LIN37: variants seen among roughly 807,000 people sequenced by gnomAD.
The protein encoded by LIN37 is lin-37 DREAM MuvB core complex component, also known as protein lin-37 homolog.
Under a neutral mutation model 38.0 loss-of-function variants are expected in LIN37, and 21 were observed. The observed-to-expected ratio is 0.55, with a 90% CI of 0.39 to 0.80. The LOEUF (loss-of-function observed/expected upper bound fraction) is 0.80, where lower values mean the gene tolerates loss of function less well. LIN37 is among the 30% of genes least tolerant of loss of function. The pLI, the probability that LIN37 is intolerant of heterozygous loss-of-function variation, is 0.00. For missense variants in LIN37, 273 were observed against 338.5 expected, an observed-to-expected ratio of 0.81 and a Z score of 1.52; for synonymous variants, 126 against 122.9, an observed-to-expected ratio of 1.03 and a Z score of -0.17.
Position 35,753,118 on chromosome 19 carries a change from C to G in LIN37, c.309C>G (p.Ser103Arg). ...NTYVIKLFDRSVDLAQFSENT... is the reference protein window; with the variant it reads ...NTYVIKLFDRRVDLAQFSENT... ...ATGTGATCAAGCTGTTCGACCGGAG[C>G]GTGGACTTGGCCCAGTTCAGCGAGA... Residue 103 changes from serine to arginine, a missense_variant, in exon 6 of 9, where the codon AGC (serine) becomes AGG (arginine). By Grantham distance (110) the Ser-to-Arg change is moderately radical (BLOSUM62 -1). Transcript: ENST00000301159. 1 of 1,605,260 alleles carries G rather than the reference C, an allele frequency of 6.2e-7. No homozygotes were observed. The highest frequency in any genetic ancestry group is 8.5e-7 in the Non-Finnish European group (1 of 1,176,064).
chr19:35,748,814 G>A, intron 1 of LIN37, 56 bp downstream of exon 1: 1 of 1,612,940 alleles, frequency 6.2e-7, no homozygotes, highest in African/African-American at 1.3e-5. Flanking sequence ...AGGGTGTGGA[G>A]TCCCGGTGGA....
intron 1 of LIN37, among the ~76,000 whole-genome samples, chr19:35,750,340 C>T (rs1970665039): frequency 6.6e-6 from 1 of 152,164 alleles, no homozygotes; most frequent in Non-Finnish European, 1.5e-5. Flanking sequence ...TTGCTGCAAT[C>T]TCAGCTACTC....
At chr19:35,752,098 GC>G in intron 1 of LIN37, 77 bp from the exon 2 acceptor site, 1 of 1,114,002 alleles carries the variant, frequency 9.0e-7, no homozygotes. Context: ...GGACACGCAC[GC>G]CCTTCCCTGG....
chr19:35,754,375 T>G lies in LIN37; in HGVS notation c.660-18T>G, dbSNP rs1177847516. 1.2e-6 allele frequency: 2 copies of G among 1,613,664 alleles called. No homozygotes were observed. The highest frequency in any genetic ancestry group is 1.7e-6 in the Non-Finnish European group (2 of 1,179,690). On this transcript the variant is annotated intron_variant, in intron 8 of 8. Coordinates refer to ENST00000301159, the MANE Select transcript of LIN37 (RefSeq NM_019104.3). The stretch of plus-strand genomic sequence containing the variant: ...TAGGGCCCTTTGCAACTGCTGAGTC[T>G]CCCCTCTGCCTCCCCAGGTGGAAGG...
Position 35,753,182 on chromosome 19 carries a change from A to G in LIN37, c.373A>G (p.Asn125Asp). ...LYPICRAWMR[N>D]SPSVRERECS... ...CCCAATCTGCCGCGCCTGGATGCGC[A>G]ACAGCCCCTCTGTGCGCGAGCGTGA... The change falls in exon 6 of 9, where the codon AAC becomes GAC. Residue 125 changes from asparagine to aspartate, a missense_variant. By Grantham distance (23) the Asn-to-Asp change is conservative (BLOSUM62 1). Coordinates refer to ENST00000301159, the MANE Select transcript of LIN37 (RefSeq NM_019104.3). The G allele has an allele frequency of 6.3e-7, 1 of 1,581,982 alleles. No homozygotes were observed. Among genetic ancestry groups the G allele is most frequent in the Non-Finnish European group, 8.6e-7 (1 of 1,164,522 alleles).
At position 35,754,200 on chromosome 19, in the gene LIN37, T is replaced by A. The variant is rs756544576; in HGVS notation, c.585+43T>A. ...GCCCAGGGTTATGGGGCACATGCGG[T>A]AGGGCTCAGGAATGGCCACTCAACC... On this transcript the variant is annotated intron_variant, in intron 7 of 8. Transcript: ENST00000301159. The A allele has an allele frequency of 9.9e-6, 16 of 1,613,812 alleles. No homozygotes were observed. The East Asian group carries it at 2.5e-4, about 25-fold the overall frequency.
intron 1 of LIN37, among the ~76,000 whole-genome samples, chr19:35,750,574 G>A (rs551437501): frequency 3.2e-4 from 49 of 152,188 alleles, no homozygotes; most frequent in Non-Finnish European, 5.6e-4. Flanking sequence ...CTGTGATGAC[G>A]GGAGGCAGCC....
In LIN37 at chr19:35,752,747, C is replaced by A. The variant is rs962978955; in HGVS notation, c.162-57C>A. On this transcript the variant is annotated intron_variant, in intron 3 of 8. Transcript: ENST00000301159. ...GTTTGATACCAGTATCCCCAGGGTG[C>A]CCTCTGCAGGGTTTTGCACAGGCGT... 4 of 1,585,716 alleles carry A rather than the reference C, an allele frequency of 2.5e-6. No individual in the cohort carries two copies. The African/African-American group carries it at 4.0e-5, about 16-fold the overall frequency.
At chr19:35,750,298 G>A (rs1169418320) in intron 1 of LIN37, among the ~76,000 whole-genome samples, 14 of 152,122 alleles carry the variant, frequency 9.2e-5, no homozygotes, top group Non-Finnish European at 1.2e-4. Flanking sequence ...AGTTGTGGAC[G>A]TGATCCGTAC....
rs1279153888 is a variant in LIN37, at chr19:35,752,207, G to T, written c.66G>T (p.Leu22=). 1.2e-6 allele frequency: 2 copies of T among 1,607,056 alleles called. No homozygotes were observed. Among genetic ancestry groups the T allele is most frequent in the Admixed American group, 1.7e-5 (1 of 59,000 alleles). Residue 22 remains leucine (L), a synonymous_variant, in exon 2 of 9, where the codon CTG becomes CTT. Coordinates refer to ENST00000301159, the MANE Select transcript of LIN37 (RefSeq NM_019104.3). ...ELEMAKARNQ[L]DAVLQCLLEK... is the part of the protein sequence containing the mutation. The stretch of plus-strand genomic sequence containing the variant: ...AGATGGCCAAAGCCCGGAACCAACT[G>T]GATGCTGTCTTGCAGTGTCTGCTGG...
chr19:35,749,374 T>G (rs1970649095), intron 1 of LIN37, among the ~76,000 whole-genome samples: 1 of 152,144 alleles, frequency 6.6e-6, no homozygotes, highest in Non-Finnish European at 1.5e-5. Context: ...GAGAGAATTT[T>G]GGGTTGGGGC....
intron 1 of LIN37, among the ~76,000 whole-genome samples, chr19:35,751,803 G>A (rs574710070): frequency 1.3e-4 from 20 of 152,360 alleles, no homozygotes; most frequent in African/African-American, 4.8e-4. Flanking sequence ...ACTTTGGGAA[G>A]CCGAGATGGC....
chr19:35,753,191 T>G lies in LIN37; in HGVS notation c.382T>G (p.Ser128Ala), dbSNP rs1970705233. Residue 128 changes from serine (S) to alanine (A), a missense_variant, in exon 6 of 9, where the codon TCT becomes GCT. Ser to Ala is a moderately conservative substitution (Grantham distance 99). Coordinates refer to ENST00000301159, the MANE Select transcript of LIN37 (RefSeq NM_019104.3). ...CCGCGCCTGGATGCGCAACAGCCCC[T>G]CTGTGCGCGAGCGTGAATGCTCTCC... is the stretch of plus-strand genomic sequence containing the variant. ...ICRAWMRNSP[S>A]VRERECSPSS... 6.4e-7 allele frequency: 1 copy of G among 1,574,252 alleles called. No homozygotes were observed. The highest frequency in any genetic ancestry group is 1.4e-5 in the African/African-American group (1 of 73,772).
chr19:35,748,843 G>C (rs766278504), intron 1 of LIN37, 85 bp downstream of exon 1: 1 of 1,608,792 alleles, frequency 6.2e-7, no homozygotes, highest in Non-Finnish European at 8.5e-7. Flanking sequence ...TCGCGGAAAG[G>C]GGACTGCACG....
chr19:35,752,928 TCC>T lies in LIN37; in HGVS notation c.210_211del (p.His71ProfsTer11). 6.3e-7 allele frequency: 1 copy of T among 1,575,194 alleles called. No individual in the cohort carries two copies. Among genetic ancestry groups the T allele is most frequent in the Non-Finnish European group, 8.6e-7 (1 of 1,160,232 alleles). On this transcript the variant is annotated frameshift_variant, in exon 5 of 9. Coordinates refer to ENST00000301159, the MANE Select transcript of LIN37 (RefSeq NM_019104.3). LOFTEE classifies it high-confidence loss of function. ...TCCCTACGCAGGCCATCTGCCCGCT[TCC>T]CCCACCAGCGGAGGAAGAAGAGGAG...
In LIN37 at chr19:35,752,929, C is replaced by T; in HGVS notation, c.207C>T (p.Phe69=). The T allele has an allele frequency of 4.4e-6, 7 of 1,574,406 alleles. No homozygotes were observed. Among genetic ancestry groups the T allele is most frequent in the Non-Finnish European group, 6.0e-6 (7 of 1,159,660 alleles). Residue 69 remains phenylalanine (F), a synonymous_variant, in exon 5 of 9, where the codon TTC becomes TTT. Coordinates refer to ENST00000301159, the MANE Select transcript of LIN37 (RefSeq NM_019104.3). ...AATGKRPSAR[F]PHQRRKKRRE... The stretch of plus-strand genomic sequence containing the variant: ...CCCTACGCAGGCCATCTGCCCGCTT[C>T]CCCCACCAGCGGAGGAAGAAGAGGA...
chr19:35,752,025 C>T (rs1402110160), intron 1 of LIN37, 151 bp from the exon 2 acceptor site: 3 of 612,572 alleles, frequency 4.9e-6, no homozygotes, highest in Non-Finnish European at 8.8e-6. Flanking sequence ...TCACTCCAGC[C>T]ATCTCTGCCT....
At chr19:35,750,065 G>C (rs1970660936) in intron 1 of LIN37, among the ~76,000 whole-genome samples, 2 of 151,970 alleles carry the variant, frequency 1.3e-5, no homozygotes, top group Admixed American at 1.3e-4. Flanking sequence ...AGCCAAGGGG[G>C]AGCAAAGGAC....
At chr19:35,754,345 C>T in intron 8 of LIN37, 26 bp downstream of exon 8, 2 of 1,614,014 alleles carry the variant, frequency 1.2e-6, no homozygotes, top group South Asian at 1.1e-5. Flanking sequence ...CCTGCTTGCC[C>T]CTCGTAGGGC....
Sources: allele counts gnomAD v4.1 joint callset (sites outside exome capture counted in the v4.1 genomes callset), GRCh38; gene constraint gnomAD v4.1.1; transcripts MANE v1.5; gene names NCBI Gene and HGNC (gene_info 2026-07-23, HGNC 2026-07-21).